Variants in H4C16 observed in about 807,000 individuals in gnomAD.
H4C16 encodes the protein histone H4.
chr12:14,770,762 G>A, the H4C16 span: 1 of 1,602,598 alleles, frequency 6.2e-7, no homozygotes, highest in Non-Finnish European at 8.5e-7. Context: ...TAGAGAAGCT[G>A]TGGGGACAGC....
chr12:14,771,122 T>C, the H4C16 span: 1 of 1,546,304 alleles, frequency 6.5e-7, no homozygotes, highest in Non-Finnish European at 8.7e-7. Flanking sequence ...AAAATCGGGC[T>C]GCCCACTGTG....
At chr12:14,770,765 G>A in the H4C16 span, 28 of 1,603,388 alleles carry the variant, frequency 1.7e-5, no homozygotes, top group African/African-American at 4.0e-5. Context: ...AGAAGCTGTG[G>A]GGACAGCTCA....
the H4C16 span, chr12:14,770,990 T>C: frequency 1.2e-6 from 2 of 1,614,236 alleles, no homozygotes; most frequent in Non-Finnish European, 1.7e-6. Flanking sequence ...AATCGCCGGC[T>C]TTGTAATGCC....
At chr12:14,771,028 G>T in the H4C16 span, 3 of 1,613,490 alleles carry the variant, frequency 1.9e-6, no homozygotes, top group Non-Finnish European at 2.5e-6. Context: ...GCACCTTCCG[G>T]TGGCGCTTGG....
chr12:14,771,070 A>T, the H4C16 span: 1 of 1,599,692 alleles, frequency 6.3e-7, no homozygotes, highest in Non-Finnish European at 8.5e-7. Context: ...TGCCACCTTT[A>T]CCTCGCCCAG....
chr12:14,771,120 G>A, the H4C16 span: 4 of 1,550,390 alleles, frequency 2.6e-6, no homozygotes, highest in African/African-American at 1.4e-5. Flanking sequence ...AGAAAATCGG[G>A]CTGCCCACTG....
the H4C16 span, chr12:14,770,905 T>G: frequency 5.0e-6 from 8 of 1,614,186 alleles, no homozygotes; most frequent in Non-Finnish European, 5.9e-6. Context: ...CCAGGAAGAC[T>G]TTGAGGACTC....
the H4C16 span, chr12:14,770,891 T>C: frequency 6.2e-7 from 1 of 1,614,208 alleles, no homozygotes; most frequent in Non-Finnish European, 8.5e-7. Flanking sequence ...ACGGATCACG[T>C]TCTCCAGGAA....
chr12:14,770,760 C>CTG, the H4C16 span: 4 of 1,600,252 alleles, frequency 2.5e-6, no homozygotes, highest in South Asian at 4.5e-5. Flanking sequence ...TGTAGAGAAG[C>CTG]TGTGGGGACA....
the H4C16 span, chr12:14,770,983 C>T: frequency 6.2e-7 from 1 of 1,614,118 alleles, no homozygotes; most frequent in Admixed American, 1.7e-5. Flanking sequence ...GACGGCGAAT[C>T]GCCGGCTTTG....
chr12:14,770,926 C>T, the H4C16 span: 2 of 1,614,214 alleles, frequency 1.2e-6, no homozygotes, highest in Non-Finnish European at 1.7e-6. Flanking sequence ...CCCGGGTCTC[C>T]TCGTAGATGA....
chr12:14,770,837 G>A, the H4C16 span: 1 of 1,614,194 alleles, frequency 6.2e-7, no homozygotes, highest in Non-Finnish European at 8.5e-7. Context: ...ATCCATGGCC[G>A]TGACGGTCTT....
At chr12:14,771,128 C>G in the H4C16 span, 1 of 1,536,762 alleles carries the variant, frequency 6.5e-7, no homozygotes, top group Non-Finnish European at 8.8e-7. Context: ...GGGCTGCCCA[C>G]TGTGATTGCC....
chr12:14,770,747 G>T, the H4C16 span: 6 of 1,574,216 alleles, frequency 3.8e-6, no homozygotes, highest in Non-Finnish European at 5.2e-6. Flanking sequence ...GCCTTTTGGA[G>T]TCTGTAGAGA....
the H4C16 span, chr12:14,770,857 G>A: frequency 6.2e-7 from 1 of 1,614,222 alleles, no homozygotes; most frequent in Non-Finnish European, 8.5e-7. Flanking sequence ...TGCGCTTGGC[G>A]TGCTCCGTGT....
the H4C16 span, chr12:14,770,835 C>T: frequency 1.9e-6 from 3 of 1,614,174 alleles, no homozygotes; most frequent in East Asian, 2.2e-5. Context: ...ACATCCATGG[C>T]CGTGACGGTC....
the H4C16 span, chr12:14,771,089 A>G: frequency 1.8e-5 from 29 of 1,584,164 alleles, no homozygotes; most frequent in African/African-American, 3.5e-4. Flanking sequence ...AGACATTCTG[A>G]AATCACAGCG....
At chr12:14,771,095 C>T in the H4C16 span, 10 of 1,577,910 alleles carry the variant, frequency 6.3e-6, no homozygotes, top group African/African-American at 1.4e-5. Flanking sequence ...TCTGAAATCA[C>T]AGCGCCTACT....
chr12:14,771,054 G>A, the H4C16 span: 2 of 1,607,776 alleles, frequency 1.2e-6, no homozygotes, highest in African/African-American at 1.3e-5. Flanking sequence ...CCCTTACCCA[G>A]CCCCTTGCCA....
Sources: allele counts gnomAD v4.1 joint callset, GRCh38; gene constraint gnomAD v4.1.1; transcripts MANE v1.5; gene names NCBI Gene and HGNC (gene_info 2026-07-23, HGNC 2026-07-21).